Variants in RSF1 observed in about 807,000 individuals in gnomAD.
The protein encoded by RSF1 is HBV pX-associated protein 8.
A neutral mutation model predicts 145.2 loss-of-function variants in RSF1; 13 were observed. The observed-to-expected ratio is 0.09, with a 90% CI of 0.06 to 0.14. RSF1 has a LOEUF of 0.14. Among genes scored for constraint, RSF1 ranks in the 10% least tolerant of loss-of-function variants. RSF1 has a pLI of 1.00. For missense variants in RSF1, 1,517 were observed against 1,718.2 expected, an observed-to-expected ratio of 0.88 and a Z score of 2.07; for synonymous variants, 577 against 592.6, an observed-to-expected ratio of 0.97 and a Z score of 0.38.
intron 1 of RSF1, among the ~76,000 whole-genome samples, chr11:77,771,153 A>G (rs1400815712): frequency 2.0e-5 from 3 of 152,248 alleles, no homozygotes; most frequent in Non-Finnish European, 4.4e-5. Context: ...ATGACGTGAC[A>G]GTACTTAAGG....
At chr11:77,680,200 A>G (rs1202558846) in intron 11 of RSF1, among the ~76,000 whole-genome samples, 1 of 152,162 alleles carries the variant, frequency 6.6e-6, no homozygotes, top group Non-Finnish European at 1.5e-5. Flanking sequence ...TGGGAGGCTG[A>G]GGCAGGAGTA....
At position 77,671,208 on chromosome 11, in the gene RSF1, T is replaced by TATATATAC. The variant is rs201762575; in HGVS notation, c.3751+833_3751+834insGTATATAT. ...ATGTATATATGTGTGTATATATATA[T>TATATATAC]ACACTATATATATATAATTTAAGTA... On this transcript the variant is annotated intron_variant, in intron 15 of 15. Coordinates refer to ENST00000308488, the MANE Select transcript of RSF1 (RefSeq NM_016578.4). Among the ~76,000 whole-genome samples the TATATATAC allele has an allele frequency of 2.1e-3, 245 of 116,666 alleles. 3 individuals carry two copies. The highest frequency in any genetic ancestry group is 6.9e-3 in the African/African-American group (206 of 29,648). 76.5% of individuals were successfully genotyped at this position (116,666 alleles called of 152,430 possible).
chr11:77,845,683 G>A, the RSF1 span, among the ~76,000 whole-genome samples: 1 of 152,112 alleles, frequency 6.6e-6, no homozygotes, highest in African/African-American at 2.4e-5. Context: ...ACCCACCTCG[G>A]CCTCCCAAAG....
intron 2 of RSF1, among the ~76,000 whole-genome samples, chr11:77,749,476 T>C (rs1452661527): frequency 1.3e-5 from 2 of 152,158 alleles, no homozygotes; most frequent in African/African-American, 4.8e-5. Flanking sequence ...GGGAAGCTCA[T>C]CCTTAGTATC....
chr11:77,805,364 C>T (rs1246899144), intron 1 of RSF1, among the ~76,000 whole-genome samples: 1 of 151,674 alleles, frequency 6.6e-6, no homozygotes, highest in Non-Finnish European at 1.5e-5. Flanking sequence ...TTGCTTGAAC[C>T]CAGGAGGCAG....
At chr11:77,855,529 C>G in the RSF1 span, 1 of 159,630 alleles carries the variant, frequency 6.3e-6, no homozygotes, top group South Asian at 1.6e-4. Context: ...CGGGGTGTCA[C>G]CGTGTTAGCC....
At chr11:77,692,036 G>A (rs533010323) in intron 8 of RSF1, among the ~76,000 whole-genome samples, 96 of 152,092 alleles carry the variant, frequency 6.3e-4, no homozygotes, top group Middle Eastern at 6.8e-3. Flanking sequence ...GATTACAGGC[G>A]TGTGCCACCA....
intron 15 of RSF1, among the ~76,000 whole-genome samples, chr11:77,671,175 A>ATT (rs1565142979): frequency 2.1e-5 from 2 of 96,692 alleles, no homozygotes; most frequent in Admixed American, 1.3e-4. Context: ...ATATATATAT[A>ATT]TATTTATATG....
rs149599829 is a variant in RSF1, at chr11:77,702,384, T to C, written c.845A>G (p.Asp282Gly). ...EETTVKKEKEDEKELVKLPVI... is the reference protein window; with the variant it reads ...EETTVKKEKEGEKELVKLPVI... ...TGGCAGTTTCACAAGTTCCTTTTCA[T>C]CTTCTTTTTCTTTTTTCACAGTAGT... The change falls in exon 6 of 16, where the codon GAT becomes GGT. Residue 282 changes from aspartate to glycine, a missense_variant. Physicochemically the swap from Asp to Gly is moderately conservative, Grantham distance 94. Transcript: ENST00000308488. The C allele has an allele frequency of 1.3e-3, 2,089 of 1,610,088 alleles. 18 individuals carry two copies. In the Middle Eastern group the frequency reaches 0.026, roughly 20 times the overall value.
chr11:77,717,301 T>C (rs928182893), intron 5 of RSF1, among the ~76,000 whole-genome samples: 1 of 151,658 alleles, frequency 6.6e-6, no homozygotes, highest in Admixed American at 6.6e-5. Context: ...GTCCACAGAG[T>C]TGATAGAAGA....
intron 5 of RSF1, among the ~76,000 whole-genome samples, chr11:77,716,416 T>C (rs1357330938): frequency 1.3e-5 from 2 of 152,194 alleles, no homozygotes; most frequent in Non-Finnish European, 2.9e-5. Flanking sequence ...ATGATCTATA[T>C]ACATGATGGA....
chr11:77,823,859 T>A (rs551256673), upstream of RSF1, among the ~76,000 whole-genome samples: 2 of 152,224 alleles, frequency 1.3e-5, no homozygotes, highest in East Asian at 3.9e-4. Context: ...TATCTTTGCT[T>A]CTAGCTTTTG....
chr11:77,677,316 C>A (rs548376791), intron 12 of RSF1, among the ~76,000 whole-genome samples: 1 of 152,268 alleles, frequency 6.6e-6, no homozygotes, highest in African/African-American at 2.4e-5. Flanking sequence ...AGTTGTGCAA[C>A]CATCACCACT....
the RSF1 span, among the ~76,000 whole-genome samples, chr11:77,839,418 T>G: frequency 6.6e-6 from 1 of 152,214 alleles, no homozygotes; most frequent in Non-Finnish European, 1.5e-5. Context: ...GGGCAATTCC[T>G]CAAAGACCTA....
intron 1 of RSF1, among the ~76,000 whole-genome samples, chr11:77,792,195 G>A (rs1371973291): frequency 1.3e-5 from 2 of 152,144 alleles, no homozygotes; most frequent in Admixed American, 6.5e-5. Context: ...CCCCCTTATA[G>A]TAACCATCAG....
chr11:77,697,145 G>A (rs181359700), intron 7 of RSF1, among the ~76,000 whole-genome samples: 1 of 152,130 alleles, frequency 6.6e-6, no homozygotes, highest in African/African-American at 2.4e-5. Flanking sequence ...TGATAAGTAG[G>A]ATCTGAATTC....
At chr11:77,671,138 A>AAT (rs1225103987) in intron 15 of RSF1, among the ~76,000 whole-genome samples, 781 of 21,986 alleles carry the variant, frequency 0.036, 9 homozygotes, top group Non-Finnish European at 0.043. Context: ...AAAAAAAAAA[A>AAT]ATATATATAT....
intron 2 of RSF1, among the ~76,000 whole-genome samples, chr11:77,752,903 AG>A (rs990537496): frequency 2.0e-5 from 3 of 152,170 alleles, no homozygotes; most frequent in African/African-American, 7.2e-5. Flanking sequence ...CCCCAAAACC[AG>A]GATGGCCACA....
intron 1 of RSF1, among the ~76,000 whole-genome samples, chr11:77,778,867 T>C (rs539086003): frequency 1.3e-5 from 2 of 152,356 alleles, no homozygotes; most frequent in South Asian, 2.1e-4. Context: ...CCCTGAAAGC[T>C]AGTTATTTCC....
Sources: gnomAD v4.1 joint callset for allele counts (sites outside exome capture counted in the v4.1 genomes callset) on GRCh38, gnomAD v4.1.1 for gene constraint, MANE v1.5 for transcripts, NCBI Gene and HGNC (gene_info 2026-07-23, HGNC 2026-07-21) for gene names.